Variants in PTPN13 observed in about 807,000 individuals in gnomAD.
The protein encoded by PTPN13 is protein tyrosine phosphatase non-receptor type 13.
In PTPN13, 191 loss-of-function variants were observed where a neutral mutation model predicts 284.0. The observed-to-expected ratio is 0.67, with a 90% confidence interval of 0.60 to 0.76. PTPN13 has a LOEUF of 0.76. Among genes scored for constraint, PTPN13 ranks in the 30% least tolerant of loss-of-function variants. The pLI, the probability that PTPN13 is intolerant of heterozygous loss-of-function variation, is 0.00. For synonymous variants in PTPN13, 986 were observed against 1,022.3 expected (o/e 0.96, Z 0.68); for missense variants, 2,797 against 2,939.9 (o/e 0.95, Z 1.12).
chr4:86,701,977 T>G (rs747687090), intron 7 of PTPN13, among the ~76,000 whole-genome samples, 176 bp downstream of exon 7: 3 of 152,188 alleles, frequency 2.0e-5, no homozygotes, highest in Non-Finnish European at 2.9e-5. Context: ...AAAACCCTAA[T>G]TGAAATACTC....
chr4:86,814,329 A>G (rs1745568175), intron 47 of PTPN13, 127 bp from the exon 48 acceptor site: 3 of 633,582 alleles, frequency 4.7e-6, no homozygotes, highest in Non-Finnish European at 7.8e-6. Context: ...TGCATTCAAC[A>G]TTCTAACAAA....
At chr4:86,800,718 G>A (rs1743925661) in intron 42 of PTPN13, among the ~76,000 whole-genome samples, 1 of 151,802 alleles carries the variant, frequency 6.6e-6, no homozygotes, top group South Asian at 2.1e-4. Flanking sequence ...GAGGGAGGGA[G>A]GGAGGAAGGA....
intron 17 of PTPN13, among the ~76,000 whole-genome samples, chr4:86,748,675 T>G (rs10016124): frequency 0.082 from 12,437 of 152,086 alleles, 642 homozygotes; most frequent in Non-Finnish European, 0.11. Flanking sequence ...TTTTTTTTTT[T>G]AATGTAGTAT....
intron 37 of PTPN13, among the ~76,000 whole-genome samples, chr4:86,783,171 GTCTCACA>G (rs1190550893): frequency 6.6e-6 from 1 of 152,000 alleles, no homozygotes; most frequent in Non-Finnish European, 1.5e-5. Context: ...TCATTATGTT[GTCTCACA>G]CTTGTGATTT....
Position 86,806,152 on chromosome 4 carries a change from A to G in PTPN13, c.6745+783A>G, listed in dbSNP as rs144646824. Among the ~76,000 whole-genome samples the G allele has an allele frequency of 4.1e-3, 624 of 151,522 alleles. 4 individuals are homozygous for G. Among genetic ancestry groups the G allele is most frequent in the African/African-American group, 0.014 (590 of 41,286 alleles). On this transcript the variant is annotated intron_variant, in intron 44 of 47. Coordinates refer to ENST00000411767, the MANE Select transcript of PTPN13 (RefSeq NM_080683.3). ...AGCCTGGGCAACAGAGTGAGACTCC[A>G]TCTCAAAAAAAAAATAGGAAAAAAA...
chr4:86,671,347 T>A, intron 2 of PTPN13, among the ~76,000 whole-genome samples: 1 of 152,144 alleles, frequency 6.6e-6, no homozygotes, highest in East Asian at 1.9e-4. Flanking sequence ...GTGATATCAG[T>A]ATAATTTATT....
chr4:86,596,928 A>C (rs1034580129), intron 1 of PTPN13, among the ~76,000 whole-genome samples: 3 of 152,240 alleles, frequency 2.0e-5, no homozygotes, highest in African/African-American at 7.2e-5. Context: ...ACCATACTCC[A>C]AGCCAGTGCA....
intron 1 of PTPN13, among the ~76,000 whole-genome samples, chr4:86,613,755 G>T (rs190466795): frequency 2.0e-5 from 3 of 151,728 alleles, no homozygotes; most frequent in African/African-American, 7.3e-5. Flanking sequence ...TTTTTGCATC[G>T]CTAGACAAAG....
At position 86,717,106 on chromosome 4, in the gene PTPN13, A is replaced by G. The variant is rs764945693; in HGVS notation, c.1374A>G (p.Ser458=). Residue 458 remains serine, a synonymous_variant, in exon 9 of 48, where the codon TCA becomes TCG. Transcript: ENST00000411767. The part of the protein sequence containing the change: ...GVDETLSQGQ[S]QRPSRQYETP... ...ATGAAACCTTAAGTCAAGGCCAGTC[A>G]CAGAGACCGAGGTATGTCATGAAAA... is the stretch of plus-strand genomic sequence containing the variant. 22 of 1,609,864 alleles carry G rather than the reference A, an allele frequency of 1.4e-5. No individual in the cohort carries two copies. Among genetic ancestry groups the G allele is most frequent in the Admixed American group, 3.3e-5 (2 of 59,894 alleles).
rs1409817356 is a variant in PTPN13, at chr4:86,741,786, A to G, written c.2457A>G (p.Pro819=). ...TGCGCACATTGGTCCTTCGCTTTCC[A>G]TGGAGGGAAACCAAGAAAATATCTT... ...NGVRTLVLRF[P]WRETKKISFS... The change falls in exon 16 of 48, where the codon CCA becomes CCG. Residue 819 remains proline (P), a synonymous_variant. Transcript: ENST00000411767. The G allele has an allele frequency of 5.6e-6, 9 of 1,609,378 alleles. No homozygotes were observed. The highest frequency in any genetic ancestry group is 1.3e-5 in the African/African-American group (1 of 74,906).
chr4:86,733,712 A>G (rs751271958), intron 12 of PTPN13, among the ~76,000 whole-genome samples: 33 of 152,176 alleles, frequency 2.2e-4, no homozygotes, highest in Non-Finnish European at 3.2e-4. Context: ...ATCTATTTAT[A>G]CTATACCTAA....
Position 86,745,081 on chromosome 4 carries a change from A to T in PTPN13, c.2603A>T (p.Gln868Leu), listed in dbSNP as rs1358519464. 1 of 1,613,142 alleles carries T rather than the reference A, an allele frequency of 6.2e-7. No homozygotes were observed. Among genetic ancestry groups the T allele is most frequent in the South Asian group, 1.1e-5 (1 of 90,714 alleles). Reference protein sequence around the residue: ...LHLCSYQHKFQLQMRARQSNQ... With the variant: ...LHLCSYQHKFLLQMRARQSNQ... ...CTCTGCTCTTACCAGCATAAGTTCCAGCTACAGATGAGAGCAAGACAGAGC... is the reference window on the plus strand; with the variant it reads ...CTCTGCTCTTACCAGCATAAGTTCCTGCTACAGATGAGAGCAAGACAGAGC... Residue 868 changes from glutamine to leucine, a missense_variant, in exon 17 of 48, where the codon CAG (glutamine) becomes CTG (leucine). By Grantham distance (113) the Gln-to-Leu change is moderately radical. Transcript: ENST00000411767.
In PTPN13 at chr4:86,758,334, G is replaced by A. The variant is rs1166323498; in HGVS notation, c.3298G>A (p.Ala1100Thr). 1.2e-6 allele frequency: 2 copies of A among 1,608,408 alleles called. No homozygotes were observed. Among genetic ancestry groups the A allele is most frequent in the African/African-American group, 2.7e-5 (2 of 74,824 alleles). ...EITLVNLKKD[A>T]KYGLGFQIIG... Reference sequence around the variant, plus strand: ...CACCTTAGTGAACCTGAAAAAAGATGCAAAGTATGGCTTGGGTAAGTCACC... The same window carrying A: ...CACCTTAGTGAACCTGAAAAAAGATACAAAGTATGGCTTGGGTAAGTCACC... Residue 1100 changes from alanine (A) to threonine (T), a missense_variant, in exon 21 of 48, where the codon GCA (alanine) becomes ACA (threonine). Coordinates refer to ENST00000411767, the MANE Select transcript of PTPN13 (RefSeq NM_080683.3).
chr4:86,718,409 G>A (rs549347951), intron 9 of PTPN13, among the ~76,000 whole-genome samples: 4 of 150,900 alleles, frequency 2.7e-5, no homozygotes, highest in African/African-American at 4.9e-5. Context: ...TAGAGTGTAC[G>A]TAATTAAATA....
chr4:86,686,565 T>A (rs1729483022), intron 3 of PTPN13, 145 bp from the exon 4 acceptor site: 1 of 624,096 alleles, frequency 1.6e-6, no homozygotes, highest in African/African-American at 1.9e-5. Flanking sequence ...AGCTCTCATA[T>A]ACTTTTATGG....
At chr4:86,658,656 T>G (rs1194565495) in intron 2 of PTPN13, among the ~76,000 whole-genome samples, 1 of 152,148 alleles carries the variant, frequency 6.6e-6, no homozygotes, top group East Asian at 1.9e-4. Flanking sequence ...TATGAAGCAT[T>G]CAATGAGAAG....
intron 2 of PTPN13, among the ~76,000 whole-genome samples, chr4:86,635,602 T>G (rs1337105318): frequency 6.6e-6 from 1 of 152,186 alleles, no homozygotes; most frequent in Non-Finnish European, 1.5e-5. Flanking sequence ...AAAAGTGTAA[T>G]GGTGATTGAA....
Position 86,734,689 on chromosome 4 carries a change from G to C in PTPN13, c.2013-48G>C, listed in dbSNP as rs1243327065. On this transcript the variant is annotated intron_variant, in intron 13 of 47. Coordinates refer to ENST00000411767, the MANE Select transcript of PTPN13 (RefSeq NM_080683.3). ...CATGCCTATAATAAAAACCACCCCA[G>C]TATTCAAAATCAAAGGCCAAGATGT... The C allele has an allele frequency of 1.9e-6, 3 of 1,570,542 alleles. No homozygotes were observed. In the African/African-American group the frequency reaches 4.1e-5, roughly 21 times the overall value.
Position 86,805,330 on chromosome 4 carries a change from G to A in PTPN13, c.6706G>A (p.Glu2236Lys). ...LDQCLIGQTK[E>K]NRRKNRYKNI... ...TCAGTGTCTAATTGGGCAAACTAAGGAAAACAGAAGGAAGAACAGATATAA... is the reference window on the plus strand; with the variant it reads ...TCAGTGTCTAATTGGGCAAACTAAGAAAAACAGAAGGAAGAACAGATATAA... Residue 2236 changes from glutamate (E) to lysine (K), a missense_variant, in exon 44 of 48, where the codon GAA (glutamate) becomes AAA (lysine). By Grantham distance (56) the Glu-to-Lys change is moderately conservative. Coordinates refer to ENST00000411767, the MANE Select transcript of PTPN13 (RefSeq NM_080683.3). The A allele has an allele frequency of 1.9e-6, 3 of 1,601,504 alleles. No individual in the cohort carries two copies. Among genetic ancestry groups the A allele is most frequent in the Non-Finnish European group, 1.7e-6 (2 of 1,171,084 alleles).
Sources: allele counts gnomAD v4.1 joint callset (sites outside exome capture counted in the v4.1 genomes callset), GRCh38; gene constraint gnomAD v4.1.1; transcripts MANE v1.5; gene names NCBI Gene and HGNC (gene_info 2026-07-23, HGNC 2026-07-21).